The following MAST2 variants were observed in gnomAD, a reference collection of about 807,000 sequenced individuals.
The protein encoded by MAST2 is microtubule-associated serine/threonine-protein kinase 2.
In MAST2, 70 loss-of-function variants were observed where a neutral mutation model predicts 147.4. That is an observed-to-expected ratio of 0.47 (90% confidence interval 0.39 to 0.58). The LOEUF (loss-of-function observed/expected upper bound fraction) is 0.58. Among genes scored for constraint, MAST2 ranks in the 20% least tolerant of loss-of-function variants. The pLI is 0.00. For missense variants in MAST2, 2,080 were observed against 2,302.3 expected (o/e 0.90, Z 1.98); for synonymous variants, 869 against 896.8 (o/e 0.97, Z 0.55).
At chr1:45,843,814 A>G (rs1031222304) in intron 3 of MAST2, among the ~76,000 whole-genome samples, 4 of 152,128 alleles carry the variant, frequency 2.6e-5, no homozygotes, top group Admixed American at 6.5e-5. Context: ...GTATATGAGT[A>G]ATGTTAAGAG....
chr1:45,892,052 C>T (rs1647885196), intron 4 of MAST2, among the ~76,000 whole-genome samples: 1 of 152,128 alleles, frequency 6.6e-6, no homozygotes, highest in African/African-American at 2.4e-5. Context: ...AGTATTGGCT[C>T]CATAAAGTCA....
In MAST2 at chr1:46,034,685, G is replaced by A. The variant is rs773826319; in HGVS notation, c.4016G>A (p.Gly1339Asp). The A allele has an allele frequency of 1.2e-6, 2 of 1,614,124 alleles. No individual in the cohort carries two copies. The highest frequency in any genetic ancestry group is 1.7e-5 in the Admixed American group (1 of 60,022). ...CGCTCTCCACGGCGCAAGTCAGCAG[G>A]CAGCATCCCACTGTCACCACTGGCC... The part of the protein sequence containing the change: ...QYRSPRRKSA[G>D]SIPLSPLAHT... The change falls in exon 29 of 29, where the codon GGC becomes GAC. Residue 1339 changes from glycine (G) to aspartate (D), a missense_variant. This residue lies in a region of MAST2 where 1,278 missense variants were observed against 1,304.2 expected (regional missense o/e 0.98). Transcript: ENST00000361297.
At chr1:46,020,865 A>C (rs1213645891) in intron 11 of MAST2, among the ~76,000 whole-genome samples, 1 of 152,220 alleles carries the variant, frequency 6.6e-6, no homozygotes, top group Non-Finnish European at 1.5e-5. Context: ...TGCATGTATC[A>C]GTAATTGGTT....
At chr1:45,905,558 C>A (rs889515213) in intron 4 of MAST2, among the ~76,000 whole-genome samples, 3 of 152,124 alleles carry the variant, frequency 2.0e-5, no homozygotes, top group Non-Finnish European at 2.9e-5. Context: ...GCGCGGATCA[C>A]GAGCTCAGGA....
chr1:45,894,219 A>C (rs900090432), intron 4 of MAST2, among the ~76,000 whole-genome samples: 1 of 85,276 alleles, frequency 1.2e-5, no homozygotes, highest in Non-Finnish European at 2.4e-5. Context: ...GTCTCAAATT[A>C]AAAAAAAAAA....
At position 46,028,748 on chromosome 1, in the gene MAST2, C is replaced by G; in HGVS notation, c.2053-20C>G. The G allele has an allele frequency of 6.2e-7, 1 of 1,613,782 alleles. No homozygotes were observed. The highest frequency in any genetic ancestry group is 8.5e-7 in the Non-Finnish European group (1 of 1,179,906). ...CAGCAGCCTCAGGAGGCTGAGCCAG[C>G]CTGGCTTTTCTGTGCCCAGGTATGC... On this transcript the variant is annotated intron_variant, in intron 17 of 28. Transcript: ENST00000361297.
rs567257038 is a variant in MAST2, at chr1:45,911,899, T to G, written c.500+29504T>G. Among the ~76,000 whole-genome samples, 145 of 131,582 alleles carry G rather than the reference T, an allele frequency of 1.1e-3. 1 individual carries two copies. Among genetic ancestry groups the G allele is most frequent in the South Asian group, 4.1e-3 (17 of 4,160 alleles). 86.3% of individuals were successfully genotyped at this position (131,582 alleles called of 152,430 possible). A position where few individuals can be genotyped will look rare whatever the true frequency, so the allele number is the denominator to read the frequency against. On this transcript the variant is annotated intron_variant, in intron 4 of 28. Transcript: ENST00000361297. Reference sequence around the variant, plus strand: ...TTATTATTATTATTATTATTATTATTATGTAGCCTGGTCTCGGGTATTAGA... The same window carrying G: ...TTATTATTATTATTATTATTATTATGATGTAGCCTGGTCTCGGGTATTAGA...
At chr1:45,970,244 C>G (rs908563624) in intron 5 of MAST2, among the ~76,000 whole-genome samples, 1 of 152,180 alleles carries the variant, frequency 6.6e-6, no homozygotes, top group Non-Finnish European at 1.5e-5. Context: ...TGGGAGCCCC[C>G]CCATGACTAG....
intron 3 of MAST2, among the ~76,000 whole-genome samples, chr1:45,872,727 A>G (rs929094623): frequency 6.6e-6 from 1 of 151,910 alleles, no homozygotes; most frequent in Non-Finnish European, 1.5e-5. Flanking sequence ...GTGGTCCACC[A>G]GCCTCGGCCT....
At chr1:45,934,798 C>A (rs548560578) in intron 4 of MAST2, among the ~76,000 whole-genome samples, 1 of 152,184 alleles carries the variant, frequency 6.6e-6, no homozygotes, top group Admixed American at 6.5e-5. Context: ...ATTCAGTCCT[C>A]TGTTGATGGG....
At chr1:45,871,377 A>G (rs190747634) in intron 3 of MAST2, among the ~76,000 whole-genome samples, 20 of 152,246 alleles carry the variant, frequency 1.3e-4, no homozygotes, top group African/African-American at 4.6e-4. Context: ...TTATTTGGCC[A>G]TGTAATCAAA....
intron 5 of MAST2, among the ~76,000 whole-genome samples, chr1:45,979,448 G>C (rs1282939240): frequency 7.7e-6 from 1 of 129,448 alleles, no homozygotes. Context: ...TTTTTTTTTT[G>C]GTCCCATTGA....
chr1:45,913,723 G>C (rs916788040), intron 4 of MAST2: 3 of 1,010,092 alleles, frequency 3.0e-6, no homozygotes. Flanking sequence ...CCGTAAGTTT[G>C]GGAAGCTTTT....
At chr1:45,863,150 A>G (rs1460641325) in intron 3 of MAST2, among the ~76,000 whole-genome samples, 1 of 152,132 alleles carries the variant, frequency 6.6e-6, no homozygotes, top group Non-Finnish European at 1.5e-5. Context: ...TTTTGTCTGA[A>G]TAGCTTCTCA....
At chr1:45,954,563 A>G (rs1019620011) in intron 4 of MAST2, among the ~76,000 whole-genome samples, 3 of 152,274 alleles carry the variant, frequency 2.0e-5, no homozygotes, top group Admixed American at 2.0e-4. Flanking sequence ...GCTGAGAGTT[A>G]GTGTACCCAA....
At chr1:46,027,533 G>T (rs970102083) in intron 16 of MAST2, among the ~76,000 whole-genome samples, 198 bp from the exon 17 acceptor site, 1 of 152,188 alleles carries the variant, frequency 6.6e-6, no homozygotes, top group African/African-American at 2.4e-5. Flanking sequence ...CAGGTTCGTT[G>T]CTTGTGCAGA....
At chr1:45,884,869 A>C (rs1241932120) in intron 4 of MAST2, among the ~76,000 whole-genome samples, 1 of 152,168 alleles carries the variant, frequency 6.6e-6, no homozygotes, top group Admixed American at 6.5e-5. Flanking sequence ...TTGTAAAATG[A>C]AGGGATTGGC....
chr1:45,884,151 T>C (rs929777855), intron 4 of MAST2, among the ~76,000 whole-genome samples: 1 of 152,006 alleles, frequency 6.6e-6, no homozygotes, highest in Non-Finnish European at 1.5e-5. Context: ...TCTAACTGCC[T>C]TAAAAACGTT....
At chr1:45,909,246 G>A (rs905919673) in intron 4 of MAST2, among the ~76,000 whole-genome samples, 1 of 151,936 alleles carries the variant, frequency 6.6e-6, no homozygotes, top group African/African-American at 2.4e-5. Context: ...AAAAAGTTAG[G>A]TATCTTTTTC....
Sources: allele counts gnomAD v4.1 joint callset (sites outside exome capture counted in the v4.1 genomes callset), GRCh38; gene constraint gnomAD v4.1.1; regional missense constraint gnomAD v4.1.1; transcripts MANE v1.5; gene names NCBI Gene and HGNC (gene_info 2026-07-23, HGNC 2026-07-21).